Variants in ROR1 observed in about 807,000 individuals in gnomAD.
ROR1 encodes inactive tyrosine-protein kinase transmembrane receptor ROR1.
Under a neutral mutation model 78.8 loss-of-function variants are expected in ROR1, and 19 were observed. The observed-to-expected ratio is 0.24, with a 90% CI of 0.17 to 0.35. The LOEUF (loss-of-function observed/expected upper bound fraction) is 0.35, where lower values mean the gene tolerates loss of function less well. Among genes scored for constraint, ROR1 ranks in the 10% least tolerant of loss-of-function variants. The probability of loss-of-function intolerance (pLI) is 1.00; values close to 1 mark genes in which losing one functional copy is unlikely to be tolerated. For synonymous variants in ROR1, 386 were observed against 433.6 expected (o/e 0.89, Z 1.36); for missense variants, 917 against 1,177.8 (o/e 0.78, Z 3.24).
chr1:64,175,975 G>A (rs1348341555), intron 8 of ROR1, among the ~76,000 whole-genome samples: 1 of 152,096 alleles, frequency 6.6e-6, no homozygotes, highest in Non-Finnish European at 1.5e-5. Context: ...GAAGGATGGG[G>A]ATTATTTGAA....
At chr1:64,072,749 G>A (rs370919869) in intron 4 of ROR1, among the ~76,000 whole-genome samples, 4 of 152,188 alleles carry the variant, frequency 2.6e-5, no homozygotes, top group Non-Finnish European at 2.9e-5. Flanking sequence ...CTGGCAACTG[G>A]TATATGATCC....
chr1:64,041,017 A>G (rs767863745), intron 2 of ROR1, among the ~76,000 whole-genome samples: 2 of 152,172 alleles, frequency 1.3e-5, no homozygotes, highest in Admixed American at 1.3e-4. Flanking sequence ...TCTCAAGTCA[A>G]TTAATAGTGG....
intron 1 of ROR1, among the ~76,000 whole-genome samples, chr1:63,884,804 G>A (rs979308403): frequency 3.3e-5 from 5 of 151,784 alleles, no homozygotes; most frequent in Admixed American, 1.3e-4. Context: ...TCCCTTCTCC[G>A]GGAAAAGTGC....
intron 1 of ROR1, among the ~76,000 whole-genome samples, chr1:63,797,913 C>T (rs1219045238): frequency 1.3e-5 from 2 of 149,742 alleles, no homozygotes; most frequent in Middle Eastern, 3.2e-3. Flanking sequence ...AGAGGACAGA[C>T]GACCAAATTC....
At chr1:63,803,899 AACT>A (rs1481711586) in intron 1 of ROR1, among the ~76,000 whole-genome samples, 1 of 152,184 alleles carries the variant, frequency 6.6e-6, no homozygotes, top group Non-Finnish European at 1.5e-5. Flanking sequence ...TGCACTCAAC[AACT>A]TGGATGGGTC....
In ROR1 at chr1:63,791,472, C is replaced by T. The variant is rs674583; in HGVS notation, c.91+16964C>T. ...GGACAAATGAGTTCACAAAATTGTG[C>T]TGCCTGTAATGTTGATTCTTGACTG... On this transcript the variant is annotated intron_variant, in intron 1 of 8. Coordinates refer to ENST00000371079, the MANE Select transcript of ROR1 (RefSeq NM_005012.4). Among the ~76,000 whole-genome samples, 549 of 152,224 alleles carry T rather than the reference C, an allele frequency of 3.6e-3. 4 individuals carry two copies. Among genetic ancestry groups the T allele is most frequent in the African/African-American group, 0.013 (521 of 41,532 alleles).
intron 1 of ROR1, among the ~76,000 whole-genome samples, chr1:63,883,206 C>T (rs1645334540): frequency 6.6e-6 from 1 of 152,034 alleles, no homozygotes; most frequent in African/African-American, 2.4e-5. Flanking sequence ...GTCCTTCCAA[C>T]TCTGAGATTT....
intron 2 of ROR1, among the ~76,000 whole-genome samples, chr1:64,037,761 A>G (rs1363357092): frequency 6.6e-6 from 1 of 152,156 alleles, no homozygotes; most frequent in African/African-American, 2.4e-5. Flanking sequence ...TTCTGACCTA[A>G]TGTCAGAAAC....
intron 4 of ROR1, among the ~76,000 whole-genome samples, chr1:64,059,240 T>C (rs1166103882): frequency 1.3e-5 from 2 of 152,238 alleles, no homozygotes; most frequent in Non-Finnish European, 1.5e-5. Context: ...GCCAATTTTG[T>C]TGGCAAAGAA....
chr1:64,020,043 C>G (rs2100555380), intron 2 of ROR1, among the ~76,000 whole-genome samples: 1 of 152,184 alleles, frequency 6.6e-6, no homozygotes, highest in Non-Finnish European at 1.5e-5. Flanking sequence ...GCCACAAGCT[C>G]AAGAATGCCA....
intron 1 of ROR1, among the ~76,000 whole-genome samples, chr1:63,929,736 T>C (rs1277364206): frequency 6.6e-6 from 1 of 152,250 alleles, no homozygotes; most frequent in East Asian, 1.9e-4. Context: ...TAACATTTAC[T>C]AAAGGCTTTC....
At chr1:64,137,276 CT>C (rs1557669253) in intron 4 of ROR1, 92 bp from the exon 5 acceptor site, 1 of 1,387,720 alleles carries the variant, frequency 7.2e-7, no homozygotes, top group Admixed American at 1.9e-5. Context: ...ACTGTGCCCC[CT>C]AGTGACTATT....
Position 64,177,606 on chromosome 1 carries a change from A to C in ROR1, c.1565A>C (p.Gln522Pro). ...NNPQQWTEFQ[Q>P]EASLMAELHH... Reference sequence around the variant, plus strand: ...CCCCAGCAATGGACGGAATTTCAACAAGAAGCCTCCCTAATGGCAGAACTG... The same window carrying C: ...CCCCAGCAATGGACGGAATTTCAACCAGAAGCCTCCCTAATGGCAGAACTG... Residue 522 changes from glutamine (Q) to proline (P), a missense_variant, in exon 9 of 9, where the codon CAA becomes CCA. Physicochemically the swap from Gln to Pro is moderately conservative, Grantham distance 76 (BLOSUM62 -1). Coordinates refer to ENST00000371079, the MANE Select transcript of ROR1 (RefSeq NM_005012.4). 6.2e-7 allele frequency: 1 copy of C among 1,614,178 alleles called. No homozygotes were observed. Among genetic ancestry groups the C allele is most frequent in the East Asian group, 2.2e-5 (1 of 44,864 alleles).
chr1:63,916,541 G>A (rs1292101222), intron 1 of ROR1, among the ~76,000 whole-genome samples: 2 of 152,208 alleles, frequency 1.3e-5, no homozygotes, highest in Admixed American at 6.5e-5. Flanking sequence ...TGAAGCACTG[G>A]TTACAGGTTT....
At chr1:63,936,473 T>C (rs1645795422) in intron 1 of ROR1, among the ~76,000 whole-genome samples, 1 of 152,218 alleles carries the variant, frequency 6.6e-6, no homozygotes, top group African/African-American at 2.4e-5. Context: ...TTGAAGGTTT[T>C]GCTGGAATGC....
At position 64,180,591 on chromosome 1, in the gene ROR1, A is replaced by G. The variant is rs1425840514; in HGVS notation, c.*1736A>G. On this transcript the variant is annotated 3_prime_UTR_variant, in exon 9 of 9. Coordinates refer to ENST00000371079, the MANE Select transcript of ROR1 (RefSeq NM_005012.4). ...AGATTTCTGGGAGATAAATTAAAAC[A>G]TATTTTTGTGGCATAAATAAGCTGA... 6.6e-6 allele frequency: 1 copy of G among 152,218 alleles called. No individual in the cohort carries two copies. Among genetic ancestry groups the G allele is most frequent in the Non-Finnish European group, 1.5e-5 (1 of 68,022 alleles). 9.4% of individuals were successfully genotyped at this position (152,218 alleles called of 1,614,324 possible). A position where few individuals can be genotyped will look rare whatever the true frequency, so the allele number is the denominator to read the frequency against.
rs1300752819 is a variant in ROR1, at chr1:64,179,130, C to G, written c.*275C>G. ...GGATTGGAACATGTGGTTTCGAGCA[C>G]TGAAAGCTGCAAACCAGTGAAGAGG... is the stretch of plus-strand genomic sequence containing the variant. On this transcript the variant is annotated 3_prime_UTR_variant, in exon 9 of 9. Transcript: ENST00000371079. 2 of 319,330 alleles carry G rather than the reference C, an allele frequency of 6.3e-6. No homozygotes were observed. Among genetic ancestry groups the G allele is most frequent in the Non-Finnish European group, 1.1e-5 (2 of 175,530 alleles). The allele number at this position is 319,330 out of a possible 1,614,324, so 19.8% of individuals were successfully genotyped here.
intron 1 of ROR1, among the ~76,000 whole-genome samples, chr1:63,787,229 T>G (rs1417160598): frequency 6.6e-6 from 1 of 152,184 alleles, no homozygotes; most frequent in Admixed American, 6.5e-5. Context: ...TTTCAGCCTG[T>G]CAGTCCTTCT....
chr1:64,136,355 AT>A (rs561354647), intron 4 of ROR1, among the ~76,000 whole-genome samples: 38,001 of 137,764 alleles, frequency 0.28, 5,663 homozygotes, highest in African/African-American at 0.43. Flanking sequence ...AAAACGGTGT[AT>A]TTTTTTTTTT....
Sources: gnomAD v4.1 joint callset for allele counts (sites outside exome capture counted in the v4.1 genomes callset) on GRCh38, gnomAD v4.1.1 for gene constraint, MANE v1.5 for transcripts, NCBI Gene and HGNC (gene_info 2026-07-23, HGNC 2026-07-21) for gene names.